Variants in PARP8 observed in about 807,000 individuals in gnomAD.
PARP8 encodes protein mono-ADP-ribosyltransferase PARP8.
A neutral mutation model predicts 124.1 loss-of-function variants in PARP8; 51 were observed. The ratio of observed to expected loss-of-function variants is 0.41; its 90% CI spans 0.33 to 0.52. The LOEUF (loss-of-function observed/expected upper bound fraction) is 0.52. PARP8 is among the 20% of genes least tolerant of loss of function. The pLI is 0.21. For synonymous variants in PARP8, 391 were observed against 361.5 expected (o/e 1.08, Z -0.93); for missense variants, 860 against 1,018.9 (o/e 0.84, Z 2.12).
chr5:50,758,886 T>G (rs1397466244), intron 3 of PARP8, among the ~76,000 whole-genome samples: 1 of 152,102 alleles, frequency 6.6e-6, no homozygotes, highest in Non-Finnish European at 1.5e-5. Context: ...AATAAGAAAT[T>G]TAAGGACCCT....
In PARP8 at chr5:50,703,367, A is replaced by G. The variant is rs574863015; in HGVS notation, c.146+35242A>G. On this transcript the variant is annotated intron_variant, in intron 2 of 25. Coordinates refer to ENST00000281631, the MANE Select transcript of PARP8 (RefSeq NM_024615.4). Reference sequence around the variant, plus strand: ...GATATCATAATCACTGGGAAATGCTATTTCTGATTAAGAAATAATTTGTCT... The same window carrying G: ...GATATCATAATCACTGGGAAATGCTGTTTCTGATTAAGAAATAATTTGTCT... 5.9e-5 allele frequency among the ~76,000 whole-genome samples: 9 copies of G among 151,816 alleles called. No homozygotes were observed. In the South Asian group the frequency reaches 1.5e-3, roughly 25 times the overall value.
chr5:50,845,941 G>A lies in PARP8; in HGVS notation c.*3873G>A, dbSNP rs567296951. ...TTATTACCCAGTAAATTCTTCTTGG[G>A]AATTTTGTATACATTATGGAATATT... is the stretch of plus-strand genomic sequence containing the variant. On this transcript the variant is annotated 3_prime_UTR_variant, in exon 26 of 26. Coordinates refer to ENST00000281631, the MANE Select transcript of PARP8 (RefSeq NM_024615.4). The A allele has an allele frequency of 1.3e-5, 2 of 151,634 alleles. No homozygotes were observed. The highest frequency in any genetic ancestry group is 4.8e-5 in the African/African-American group (2 of 41,348). The allele number at this position is 151,634 out of a possible 1,614,324, so 9.4% of individuals were successfully genotyped here.
chr5:50,824,863 A>G, intron 17 of PARP8, 45 bp from the exon 18 acceptor site: 1 of 1,534,726 alleles, frequency 6.5e-7, no homozygotes, highest in Non-Finnish European at 9.0e-7. Context: ...AAACGGAAAA[A>G]TGAATTTTTA....
chr5:50,734,057 G>A (rs1424847833), intron 2 of PARP8, among the ~76,000 whole-genome samples: 1 of 152,036 alleles, frequency 6.6e-6, no homozygotes, highest in Non-Finnish European at 1.5e-5. Context: ...AAATACTTTT[G>A]GAAGCATTCA....
intron 15 of PARP8, among the ~76,000 whole-genome samples, chr5:50,815,725 C>T (rs1352520451): frequency 6.6e-6 from 1 of 151,988 alleles, no homozygotes; most frequent in Non-Finnish European, 1.5e-5. Context: ...TTGTGATTGC[C>T]AAGGAGAGAA....
chr5:50,842,071 G>T lies in PARP8; in HGVS notation c.*3G>T. On this transcript the variant is annotated 3_prime_UTR_variant, in exon 26 of 26. Transcript: ENST00000281631. ...GTAATCAAACTGCTACTGGTTAAAGGACCACCATTTAATTAACATGATTCG... is the reference window on the plus strand; with the variant it reads ...GTAATCAAACTGCTACTGGTTAAAGTACCACCATTTAATTAACATGATTCG... 1 of 1,577,664 alleles carries T rather than the reference G, an allele frequency of 6.3e-7. No homozygotes were observed. Among genetic ancestry groups the T allele is most frequent in the Non-Finnish European group, 8.7e-7 (1 of 1,153,774 alleles).
Position 50,741,809 on chromosome 5 carries a change from T to C in PARP8, c.147-8342T>C, listed in dbSNP as rs1214983839. 1.8e-5 allele frequency: 8 copies of C among 436,812 alleles called. No homozygotes were observed. The Admixed American group carries it at 2.1e-4, about 11-fold the overall frequency. 27.1% of individuals were successfully genotyped at this position (436,812 alleles called of 1,614,324 possible). A position where few individuals can be genotyped will look rare whatever the true frequency, so the allele number is the denominator to read the frequency against. ...TGAGAAAGATGTGTTTTCTTTTCTT[T>C]TCTTCTTTTTTTTTTTTTTAGGTAG... is the stretch of plus-strand genomic sequence containing the variant. On this transcript the variant is annotated intron_variant, in intron 2 of 25. Coordinates refer to ENST00000281631, the MANE Select transcript of PARP8 (RefSeq NM_024615.4).
At chr5:50,822,257 T>C in intron 16 of PARP8, 78 bp from the exon 17 acceptor site, 2 of 981,840 alleles carry the variant, frequency 2.0e-6, no homozygotes, top group Admixed American at 3.9e-5. Flanking sequence ...GGAAATAATA[T>C]ATTTCTCTAG....
chr5:50,672,969 T>A (rs1750208452), intron 2 of PARP8, among the ~76,000 whole-genome samples: 1 of 152,222 alleles, frequency 6.6e-6, no homozygotes, highest in Non-Finnish European at 1.5e-5. Flanking sequence ...ACAGTTACTT[T>A]GAAGCCATTC....
intron 9 of PARP8, among the ~76,000 whole-genome samples, chr5:50,786,848 A>G (rs968395055): frequency 1.3e-5 from 2 of 152,040 alleles, no homozygotes; most frequent in Non-Finnish European, 2.9e-5. Context: ...GCCTTTATAT[A>G]TATATACTCT....
At chr5:50,823,934 C>A (rs571567896) in intron 17 of PARP8, among the ~76,000 whole-genome samples, 1 of 152,310 alleles carries the variant, frequency 6.6e-6, no homozygotes, top group African/African-American at 2.4e-5. Flanking sequence ...TAATGCTGCA[C>A]CCTGTTTCGG....
intron 2 of PARP8, among the ~76,000 whole-genome samples, chr5:50,689,031 G>T (rs200706818): frequency 4.8e-4 from 48 of 99,740 alleles, no homozygotes; most frequent in Middle Eastern, 6.6e-3. Context: ...TTTTTTTTTT[G>T]ATTTTTTTTT....
intron 14 of PARP8, among the ~76,000 whole-genome samples, 168 bp from the exon 15 acceptor site, chr5:50,815,264 A>T (rs937925382): frequency 2.0e-5 from 3 of 152,162 alleles, no homozygotes; most frequent in African/African-American, 7.2e-5. Flanking sequence ...CTCTTTACTA[A>T]TTGTTACCTA....
chr5:50,686,095 G>C (rs920884933), intron 2 of PARP8, among the ~76,000 whole-genome samples: 3 of 152,170 alleles, frequency 2.0e-5, no homozygotes, highest in Non-Finnish European at 4.4e-5. Context: ...CCAGTCCAAA[G>C]TCTCATCCAA....
chr5:50,739,063 G>T, intron 2 of PARP8: 1 of 702,498 alleles, frequency 1.4e-6, no homozygotes, highest in South Asian at 1.5e-5. Flanking sequence ...TTCACATCTA[G>T]GAGGAGCAAG....
At chr5:50,734,556 A>G (rs1483109218) in intron 2 of PARP8, among the ~76,000 whole-genome samples, 7 of 152,192 alleles carry the variant, frequency 4.6e-5, no homozygotes, top group Non-Finnish European at 7.4e-5. Context: ...TATATTTACT[A>G]GTATATAAAA....
At chr5:50,671,456 A>G (rs1441806414) in intron 2 of PARP8, among the ~76,000 whole-genome samples, 1 of 152,146 alleles carries the variant, frequency 6.6e-6, no homozygotes, top group Non-Finnish European at 1.5e-5. Context: ...GTATTGTGAA[A>G]GTATAACTCT....
chr5:50,707,387 G>C (rs1469064710), intron 2 of PARP8, among the ~76,000 whole-genome samples: 1 of 151,934 alleles, frequency 6.6e-6, no homozygotes, highest in East Asian at 1.9e-4. Context: ...TTTAAATTTA[G>C]ATTTTTTATT....
intron 2 of PARP8, among the ~76,000 whole-genome samples, chr5:50,715,313 A>G (rs1302832067): frequency 6.6e-6 from 1 of 152,138 alleles, no homozygotes; most frequent in East Asian, 1.9e-4. Flanking sequence ...ACACTCTGTC[A>G]AAATATGTGT....
Sources: allele counts gnomAD v4.1 joint callset (sites outside exome capture counted in the v4.1 genomes callset), GRCh38; gene constraint gnomAD v4.1.1; transcripts MANE v1.5; gene names NCBI Gene and HGNC (gene_info 2026-07-23, HGNC 2026-07-21).